SAMD3: variants seen among roughly 807,000 people sequenced by gnomAD.
SAMD3 encodes sterile alpha motif domain-containing protein 3.
A neutral mutation model predicts 58.5 loss-of-function variants in SAMD3; 63 were observed. That is an observed-to-expected ratio of 1.08 (90% CI 0.88 to 1.33). The LOEUF (loss-of-function observed/expected upper bound fraction) is 1.33, where lower values mean the gene tolerates loss of function less well. SAMD3 is among the 40% of genes most tolerant of loss of function. The pLI, the probability that SAMD3 is intolerant of heterozygous loss-of-function variation, is 0.00. For missense variants in SAMD3, 604 were observed against 608.4 expected, an observed-to-expected ratio of 0.99 and a Z score of 0.08; for synonymous variants, 220 against 210.3, an observed-to-expected ratio of 1.05 and a Z score of -0.40.
chr6:130,148,852 A>AGT (rs10629679), intron 9 of SAMD3, among the ~76,000 whole-genome samples: 140,784 of 152,006 alleles, frequency 0.93, 65,316 homozygotes, highest in East Asian at 1. Context: ...TGGACAACAG[A>AGT]GAGACTTTCT....
intron 2 of SAMD3, among the ~76,000 whole-genome samples, chr6:130,296,521 T>A (rs1775575570): frequency 6.6e-6 from 1 of 152,168 alleles, no homozygotes; most frequent in African/African-American, 2.4e-5. Flanking sequence ...CCTTCCCCGA[T>A]AACTTGTTGG....
At chr6:130,170,680 T>G (rs1428499969) in intron 8 of SAMD3, among the ~76,000 whole-genome samples, 1 of 152,208 alleles carries the variant, frequency 6.6e-6, no homozygotes, top group Non-Finnish European at 1.5e-5. Flanking sequence ...TAGGTTGTAT[T>G]CCTAGGTATT....
chr6:130,290,568 A>G (rs894517944), intron 2 of SAMD3, among the ~76,000 whole-genome samples: 1 of 152,354 alleles, frequency 6.6e-6, no homozygotes. Flanking sequence ...ACGTAAAATT[A>G]AGCAGCACAA....
chr6:130,333,044 C>CGTGTGTGTGTGTGTGT lies in SAMD3; in HGVS notation c.-303-19967_-303-19952dup, dbSNP rs10529435. On this transcript the variant is annotated intron_variant, in intron 1 of 13. Transcript: ENST00000368134. ...CAAGACAGGGCCACAGTTGAGTATGCGTGTGTGTGTGTGTGTGTGTGTGTG... is the reference window on the plus strand; with the variant it reads ...CAAGACAGGGCCACAGTTGAGTATGCGTGTGTGTGTGTGTGTGTGTGTGTGTGTGTGTGTGTGTGTG... 1.0e-3 allele frequency among the ~76,000 whole-genome samples: 147 copies of CGTGTGTGTGTGTGTGT among 143,650 alleles called. 1 individual carries two copies. Among genetic ancestry groups the CGTGTGTGTGTGTGTGT allele is most frequent in the Middle Eastern group, 3.5e-3 (1 of 282 alleles). 94.2% of individuals were successfully genotyped at this position (143,650 alleles called of 152,430 possible). A position where few individuals can be genotyped will look rare whatever the true frequency, so the allele number is the denominator to read the frequency against.
In SAMD3 at chr6:130,214,485, G is replaced by A. The variant is rs780090662; in HGVS notation, c.121C>T (p.Arg41Trp). ...TTCTTTACCAGTTGCTGAACCATCCGATCATTAAGTGCAAGAAGAGCGGCC... is the reference window on the plus strand; with the variant it reads ...TTCTTTACCAGTTGCTGAACCATCCAATCATTAAGTGCAAGAAGAGCGGCC... ...SGAALLALND[R>W]MVQQLVKKIG... Residue 41 changes from arginine (R) to tryptophan (W), a missense_variant, in exon 4 of 12, where the codon CGG becomes TGG. Arg to Trp is a moderately radical substitution (Grantham distance 101, BLOSUM62 -3). Coordinates refer to ENST00000439090, the MANE Select transcript of SAMD3 (RefSeq NM_001017373.4). The A allele has an allele frequency of 8.7e-6, 14 of 1,609,748 alleles. No individual in the cohort carries two copies. The highest frequency in any genetic ancestry group is 5.0e-5 in the Admixed American group (3 of 59,464).
At chr6:130,178,905 T>A (rs1400893573) in intron 7 of SAMD3, among the ~76,000 whole-genome samples, 1 of 152,190 alleles carries the variant, frequency 6.6e-6, no homozygotes, top group Admixed American at 6.5e-5. Flanking sequence ...CAGAGGTGCC[T>A]TATCACCTCC....
chr6:130,233,795 G>T (rs925000921), intron 2 of SAMD3, among the ~76,000 whole-genome samples: 21 of 152,272 alleles, frequency 1.4e-4, no homozygotes, highest in African/African-American at 5.1e-4. Context: ...TTAATCTTAT[G>T]ACACATTCTC....
chr6:130,344,825 C>CAAAAAAAAAAAAA (rs56795907), intron 1 of SAMD3, among the ~76,000 whole-genome samples: 3 of 41,100 alleles, frequency 7.3e-5, no homozygotes, highest in Non-Finnish European at 1.2e-4. Context: ...ACAACAACAG[C>CAAAAAAAAAAAAA]AAAAAAAAAA....
chr6:130,325,266 G>A (rs1458804729), intron 1 of SAMD3, among the ~76,000 whole-genome samples: 3 of 152,138 alleles, frequency 2.0e-5, no homozygotes, highest in Admixed American at 6.5e-5. Flanking sequence ...CCCTTGATAT[G>A]GTGTCTGCAA....
chr6:130,349,198 A>T (rs1408122267), intron 1 of SAMD3, among the ~76,000 whole-genome samples: 1 of 152,092 alleles, frequency 6.6e-6, no homozygotes, highest in Non-Finnish European at 1.5e-5. Context: ...CACATTCAAA[A>T]GCTATCAGAA....
chr6:130,160,491 A>T lies in SAMD3; in HGVS notation c.823-5466T>A, dbSNP rs1050898994. On this transcript the variant is annotated intron_variant, in intron 8 of 11. Coordinates refer to ENST00000439090, the MANE Select transcript of SAMD3 (RefSeq NM_001017373.4). ...TCGTGGAAGATGAGGAACTGATCAG[A>T]TTTTAAGGGATAATAGAATTTGAAA... 7.9e-5 allele frequency: 12 copies of T among 152,326 alleles called. No homozygotes were observed. The East Asian group carries it at 2.3e-3, about 29-fold the overall frequency. 9.4% of individuals were successfully genotyped at this position (152,326 alleles called of 1,614,324 possible). A position where few individuals can be genotyped will look rare whatever the true frequency, so the allele number is the denominator to read the frequency against.
chr6:130,192,069 T>G (rs1793598660), intron 5 of SAMD3, among the ~76,000 whole-genome samples: 1 of 152,228 alleles, frequency 6.6e-6, no homozygotes, highest in Non-Finnish European at 1.5e-5. Context: ...TCTCCTCATC[T>G]GAATCCCCCA....
intron 1 of SAMD3, among the ~76,000 whole-genome samples, chr6:130,360,306 T>C (rs1392224066): frequency 6.6e-6 from 1 of 152,212 alleles, no homozygotes; most frequent in Admixed American, 6.5e-5. Context: ...TCGGGGAACC[T>C]GCCCCAATAG....
intron 2 of SAMD3, among the ~76,000 whole-genome samples, chr6:130,284,746 C>T (rs1047785366): frequency 5.9e-5 from 9 of 152,056 alleles, no homozygotes; most frequent in Admixed American, 2.6e-4. Flanking sequence ...AGAATGCACT[C>T]GGAGAGGGAT....
chr6:130,172,912 T>G (rs145540581), intron 8 of SAMD3, among the ~76,000 whole-genome samples: 1,539 of 152,344 alleles, frequency 0.01, 18 homozygotes, highest in South Asian at 0.052. Flanking sequence ...TCATTTTCAT[T>G]CTTTTTTCTC....
chr6:130,166,993 C>A (rs1790789518), intron 8 of SAMD3, among the ~76,000 whole-genome samples: 1 of 152,114 alleles, frequency 6.6e-6, no homozygotes, highest in Admixed American at 6.6e-5. Flanking sequence ...ATCAGTTCCA[C>A]TTCTGGATGT....
intron 8 of SAMD3, chr6:130,159,489 C>G (rs1200550045): frequency 6.6e-6 from 1 of 152,180 alleles, no homozygotes; most frequent in Non-Finnish European, 1.5e-5. Context: ...AGGGAGTAGC[C>G]TCTGGTCCTT....
intron 1 of SAMD3, among the ~76,000 whole-genome samples, chr6:130,341,302 G>A (rs932338724): frequency 6.6e-6 from 1 of 152,158 alleles, no homozygotes; most frequent in South Asian, 2.1e-4. Flanking sequence ...ATGCAAAATG[G>A]TCAAACTTTA....
At chr6:130,343,967 A>G (rs1313436291) in intron 1 of SAMD3, among the ~76,000 whole-genome samples, 1 of 107,474 alleles carries the variant, frequency 9.3e-6, no homozygotes, top group Non-Finnish European at 1.7e-5. Context: ...TCTGTCTTAA[A>G]AACAAACAAA....
Sources: gnomAD v4.1 joint callset for allele counts (sites outside exome capture counted in the v4.1 genomes callset) on GRCh38, gnomAD v4.1.1 for gene constraint, MANE v1.5 for transcripts, NCBI Gene and HGNC (gene_info 2026-07-23, HGNC 2026-07-21) for gene names.